Variants in KLRD1 observed in about 807,000 individuals in gnomAD.
KLRD1 encodes killer cell lectin like receptor D1, also known as natural killer cells antigen CD94.
Under a neutral mutation model 22.6 loss-of-function variants are expected in KLRD1, and 21 were observed. The ratio of observed to expected loss-of-function variants is 0.93; its 90% CI spans 0.66 to 1.34. The LOEUF (loss-of-function observed/expected upper bound fraction) is 1.34, where lower values mean the gene tolerates loss of function less well. Among genes scored for constraint, KLRD1 ranks in the 40% most tolerant of loss-of-function variants. The pLI is 0.00. For missense variants in KLRD1, 183 were observed against 208.6 expected (o/e 0.88, Z 0.76); for synonymous variants, 59 against 71.1 (o/e 0.83, Z 0.85).
chr12:10,308,268 C>A lies in KLRD1; in HGVS notation c.7+184C>A. The A allele has an allele frequency of 2.4e-5, 14 of 583,626 alleles. No individual in the cohort carries two copies. In the South Asian group the frequency reaches 2.8e-4, roughly 12 times the overall value. 36.2% of individuals were successfully genotyped at this position (583,626 alleles called of 1,614,324 possible). A position where few individuals can be genotyped will look rare whatever the true frequency, so the allele number is the denominator to read the frequency against. The stretch of plus-strand genomic sequence containing the variant: ...CTGATTCTTCATTGTATAACTTAGA[C>A]ATGATTTCATGAAGTTTTTTCCACA... On this transcript the variant is annotated intron_variant, in intron 1 of 5. Transcript: ENST00000336164.
intron 1 of KLRD1, among the ~76,000 whole-genome samples, chr12:10,267,541 T>C (rs1453579439): frequency 5.3e-5 from 8 of 152,190 alleles, no homozygotes; most frequent in Admixed American, 1.3e-4. Context: ...AAGTCAGCCA[T>C]TGAGTACATA....
At chr12:10,248,058 T>C (rs1365612711) in intron 1 of KLRD1, among the ~76,000 whole-genome samples, 2 of 152,154 alleles carry the variant, frequency 1.3e-5, no homozygotes, top group Admixed American at 6.5e-5. Flanking sequence ...CAGGAGACAG[T>C]TGCAATGTGC....
chr12:10,286,455 G>A (rs1389894666), intron 1 of KLRD1, among the ~76,000 whole-genome samples: 2 of 152,000 alleles, frequency 1.3e-5, no homozygotes, highest in African/African-American at 4.8e-5. Flanking sequence ...TACACATGAT[G>A]GAAAAGAATC....
chr12:10,295,372 A>G (rs1036525535), intron 1 of KLRD1, among the ~76,000 whole-genome samples: 1 of 152,164 alleles, frequency 6.6e-6, no homozygotes, highest in Middle Eastern at 3.2e-3. Context: ...TTGGGAACAG[A>G]TTCAAGTATC....
At chr12:10,280,141 C>T (rs1816538128) in intron 1 of KLRD1, among the ~76,000 whole-genome samples, 1 of 152,172 alleles carries the variant, frequency 6.6e-6, no homozygotes, top group Admixed American at 6.5e-5. Context: ...GGGCTAGCAA[C>T]ACTGTGGTTG....
At position 10,286,330 on chromosome 12, in the gene KLRD1, A is replaced by G. The variant is rs1157540457; in HGVS notation, c.-100-21648A>G. Reference sequence around the variant, plus strand: ...AATAGCTTATGTCCTATCTACCTCAATATGTTTCTTAATGGTTTTGAGCAC... The same window carrying G: ...AATAGCTTATGTCCTATCTACCTCAGTATGTTTCTTAATGGTTTTGAGCAC... On this transcript the variant is annotated intron_variant, in intron 1 of 5. Transcript: ENST00000544747. 3.3e-5 allele frequency among the ~76,000 whole-genome samples: 5 copies of G among 152,302 alleles called. No homozygotes were observed. In the East Asian group the frequency reaches 9.6e-4, roughly 29 times the overall value.
intron 1 of KLRD1, among the ~76,000 whole-genome samples, chr12:10,240,449 A>T (rs1216360426): frequency 1.3e-5 from 2 of 151,782 alleles, no homozygotes; most frequent in Admixed American, 6.6e-5. Context: ...TGATGAAATT[A>T]GTAGAATAGA....
At chr12:10,285,274 G>A (rs1203141367) in intron 1 of KLRD1, among the ~76,000 whole-genome samples, 1 of 152,180 alleles carries the variant, frequency 6.6e-6, no homozygotes, top group Non-Finnish European at 1.5e-5. Context: ...AATTTAAGTA[G>A]AGAGTCGTGT....
intron 1 of KLRD1, among the ~76,000 whole-genome samples, chr12:10,248,810 C>T (rs1191568395): frequency 1.3e-5 from 2 of 151,878 alleles, no homozygotes; most frequent in Non-Finnish European, 2.9e-5. Flanking sequence ...GTTGTCTAGG[C>T]TGGTCTTGAA....
chr12:10,308,011 A>C lies in KLRD1; in HGVS notation c.-67A>C, dbSNP rs1385325414. 7.6e-6 allele frequency: 11 copies of C among 1,445,168 alleles called. No individual in the cohort carries two copies. The highest frequency in any genetic ancestry group is 1.1e-5 in the Non-Finnish European group (11 of 1,028,804). The allele number at this position is 1,445,168 out of a possible 1,614,324, so 89.5% of individuals were successfully genotyped here. Reference sequence around the variant, plus strand: ...ATCTCCAGCTCAGCTTCAACAATTCAACGCTGTTCTTTCTGAAAAAGTACA... The same window carrying C: ...ATCTCCAGCTCAGCTTCAACAATTCCACGCTGTTCTTTCTGAAAAAGTACA... On this transcript the variant is annotated 5_prime_UTR_variant, in exon 1 of 6. Transcript: ENST00000336164.
At chr12:10,256,390 AT>A (rs1949395220) in intron 1 of KLRD1, among the ~76,000 whole-genome samples, 1 of 129,936 alleles carries the variant, frequency 7.7e-6, no homozygotes, top group Non-Finnish European at 1.6e-5. Context: ...TTTCCCACTC[AT>A]TTTTTCCATT....
chr12:10,314,486 A>G (rs1950176243), intron 5 of KLRD1, among the ~76,000 whole-genome samples, 187 bp from the exon 6 acceptor site: 1 of 152,316 alleles, frequency 6.6e-6, no homozygotes, highest in South Asian at 2.1e-4. Flanking sequence ...GATTAGTGAG[A>G]AAATAACTGG....
At chr12:10,259,100 C>T (rs1378908730) in intron 1 of KLRD1, among the ~76,000 whole-genome samples, 1 of 152,172 alleles carries the variant, frequency 6.6e-6, no homozygotes, top group Non-Finnish European at 1.5e-5. Flanking sequence ...TTATTCTGTT[C>T]TGTAATATCC....
At chr12:10,301,880 G>C (rs1949869298), upstream of KLRD1, among the ~76,000 whole-genome samples, 1 of 152,106 alleles carries the variant, frequency 6.6e-6, no homozygotes, top group Admixed American at 6.5e-5. Context: ...GCCATTGTAG[G>C]GTTATTAACT....
At chr12:10,264,012 C>T (rs1190444998) in intron 1 of KLRD1, among the ~76,000 whole-genome samples, 1 of 152,018 alleles carries the variant, frequency 6.6e-6, no homozygotes, top group Non-Finnish European at 1.5e-5. Context: ...CTATCTTTTT[C>T]AAAATGAACT....
chr12:10,306,264 A>G (rs545964529), upstream of KLRD1, among the ~76,000 whole-genome samples: 10 of 149,506 alleles, frequency 6.7e-5, no homozygotes, highest in South Asian at 1.1e-3. Flanking sequence ...GTGTGTGTGT[A>G]TGTGTGTGTG....
chr12:10,261,072 T>C (rs1949449659), intron 1 of KLRD1, among the ~76,000 whole-genome samples: 1 of 152,250 alleles, frequency 6.6e-6, no homozygotes, highest in Admixed American at 6.5e-5. Context: ...AAAGAGCTCA[T>C]TGCTGATGTG....
At chr12:10,264,670 C>T (rs944764445) in intron 1 of KLRD1, among the ~76,000 whole-genome samples, 1 of 112,660 alleles carries the variant, frequency 8.9e-6, no homozygotes, top group Non-Finnish European at 1.9e-5. Flanking sequence ...CATCGTCTCA[C>T]ATAGTTACCT....
chr12:10,254,508 A>G (rs1428018771), intron 1 of KLRD1, among the ~76,000 whole-genome samples: 1 of 151,810 alleles, frequency 6.6e-6, no homozygotes, highest in African/African-American at 2.4e-5. Context: ...TTTGCAAACT[A>G]TGCACCTGAC....
Sources: gnomAD v4.1 joint callset for allele counts (sites outside exome capture counted in the v4.1 genomes callset) on GRCh38, gnomAD v4.1.1 for gene constraint, MANE v1.5 for transcripts, NCBI Gene and HGNC (gene_info 2026-07-23, HGNC 2026-07-21) for gene names.